The following NRXN3 variants were observed in gnomAD, a reference collection of about 807,000 sequenced individuals.
NRXN3 encodes neurexin III.
A neutral mutation model predicts 137.6 loss-of-function variants in NRXN3; 32 were observed. That is an observed-to-expected ratio of 0.23 (90% CI 0.18 to 0.31). The LOEUF (loss-of-function observed/expected upper bound fraction) is 0.31, where lower values mean the gene tolerates loss of function less well. Among genes scored for constraint, NRXN3 ranks in the 10% least tolerant of loss-of-function variants. The pLI, the probability that NRXN3 is intolerant of heterozygous loss-of-function variation, is 1.00. For synonymous variants in NRXN3, 798 were observed against 784.5 expected, an observed-to-expected ratio of 1.02 and a Z score of -0.29; for missense variants, 1,574 against 2,062.5, an observed-to-expected ratio of 0.76 and a Z score of 4.59.
At chr14:79,707,343 G>GAGTT (rs886494307) in intron 19 of NRXN3, among the ~76,000 whole-genome samples, 13 of 152,322 alleles carry the variant, frequency 8.5e-5, no homozygotes, top group African/African-American at 3.1e-4. Context: ...TAGGCAAAGG[G>GAGTT]AGTTAGGAGG....
chr14:78,311,075 T>C (rs1205411561), intron 4 of NRXN3, among the ~76,000 whole-genome samples: 2 of 152,180 alleles, frequency 1.3e-5, no homozygotes, highest in African/African-American at 2.4e-5. Flanking sequence ...GTAAAATGCC[T>C]ACTTGGTACA....
chr14:78,721,795 G>A (rs2098461082), intron 8 of NRXN3, among the ~76,000 whole-genome samples: 1 of 151,944 alleles, frequency 6.6e-6, no homozygotes, highest in Non-Finnish European at 1.5e-5. Flanking sequence ...CTGAGAAAGG[G>A]GCTTCCCAAG....
At chr14:79,003,453 A>G (rs2099545859) in intron 15 of NRXN3, among the ~76,000 whole-genome samples, 1 of 152,218 alleles carries the variant, frequency 6.6e-6, no homozygotes, top group Admixed American at 6.5e-5. Context: ...AGATAATTTC[A>G]CAGTCACTGC....
At chr14:79,299,323 A>C (rs544068596) in intron 15 of NRXN3, among the ~76,000 whole-genome samples, 58 of 152,154 alleles carry the variant, frequency 3.8e-4, no homozygotes, top group African/African-American at 1.3e-3. Context: ...CCTGAGTGTC[A>C]CTGATCACTC....
Position 78,863,708 on chromosome 14 carries a change from A to G in NRXN3, c.2275+53364A>G, listed in dbSNP as rs8009970. 7.9e-3 allele frequency among the ~76,000 whole-genome samples: 1,206 copies of G among 152,262 alleles called. 19 individuals are homozygous for G. Among genetic ancestry groups the G allele is most frequent in the African/African-American group, 0.028 (1,146 of 41,550 alleles). ...CAATTTTATTTCAGTCCACAAATAC[A>G]TAAATATTCTAAAAAGGAGCCTTTA... On this transcript the variant is annotated intron_variant, in intron 10 of 20. Coordinates refer to ENST00000335750, the MANE Select transcript of NRXN3 (RefSeq NM_001330195.2).
chr14:79,867,715 A>C lies in NRXN3; in HGVS notation c.*5751A>C, dbSNP rs2099418593. On this transcript the variant is annotated 3_prime_UTR_variant, in exon 21 of 21. Transcript: ENST00000335750. ...GTTGAAGTTCCAAAGTATCAAGGGA[A>C]TCAGAATTGGGAAGCAATTCTAACC... The C allele has an allele frequency of 6.6e-6, 1 of 152,132 alleles. No individual in the cohort carries two copies. The highest frequency in any genetic ancestry group is 1.5e-5 in the Non-Finnish European group (1 of 68,040). 9.4% of individuals were successfully genotyped at this position (152,132 alleles called of 1,614,324 possible). A position where few individuals can be genotyped will look rare whatever the true frequency, so the allele number is the denominator to read the frequency against.
intron 1 of NRXN3, among the ~76,000 whole-genome samples, chr14:78,216,520 C>T (rs1015004793): frequency 3.3e-5 from 5 of 152,152 alleles, no homozygotes; most frequent in Non-Finnish European, 7.4e-5. Context: ...TGTTCTCTAG[C>T]TGGCCAGAGC....
chr14:78,894,858 C>T lies in NRXN3; in HGVS notation c.2276-62384C>T, dbSNP rs182183591. On this transcript the variant is annotated intron_variant, in intron 10 of 20. Transcript: ENST00000335750. ...ATCAAAGTTCTGGAGTGACTAGGTG[C>T]ATTGTCAATGAATAGTAACATTTTG... Among the ~76,000 whole-genome samples, 42 of 150,098 alleles carry T rather than the reference C, an allele frequency of 2.8e-4. No individual in the cohort carries two copies. The East Asian group carries it at 8.1e-3, about 29-fold the overall frequency.
At chr14:78,187,474 A>G (rs1195608610) in intron 1 of NRXN3, among the ~76,000 whole-genome samples, 1 of 152,148 alleles carries the variant, frequency 6.6e-6, no homozygotes, top group East Asian at 1.9e-4. Context: ...ATCAAGTGAC[A>G]TGTGCAAGGT....
intron 10 of NRXN3, among the ~76,000 whole-genome samples, chr14:78,893,000 G>T (rs2099163692): frequency 6.6e-6 from 1 of 151,858 alleles, no homozygotes; most frequent in African/African-American, 2.4e-5. Flanking sequence ...GTCTCAACTA[G>T]TTCAGCATCA....
At position 79,234,293 on chromosome 14, in the gene NRXN3, A is replaced by AATATATAT. The variant is rs71131687; in HGVS notation, c.3263-232888_3263-232881dup. Among the ~76,000 whole-genome samples the AATATATAT allele has an allele frequency of 6.3e-3, 351 of 56,114 alleles. 3 individuals are homozygous for AATATATAT. The highest frequency in any genetic ancestry group is 0.015 in the Middle Eastern group (1 of 68). The allele number at this position is 56,114 out of a possible 152,430, so 36.8% of individuals were successfully genotyped here. A position where few individuals can be genotyped will look rare whatever the true frequency, so the allele number is the denominator to read the frequency against. On this transcript the variant is annotated intron_variant, in intron 15 of 20. Transcript: ENST00000335750. ...AAATCAGGGAACATATTCAATGGTAAATATATATATATATATATATATATA... is the reference window on the plus strand; with the variant it reads ...AAATCAGGGAACATATTCAATGGTAAATATATATATATATATATATATATATATATATA...
chr14:78,419,008 T>C (rs2093302645), intron 4 of NRXN3, among the ~76,000 whole-genome samples: 1 of 152,244 alleles, frequency 6.6e-6, no homozygotes, highest in Non-Finnish European at 1.5e-5. Context: ...CCAATGTTTA[T>C]TGAGTGCTAA....
intron 3 of NRXN3, among the ~76,000 whole-genome samples, chr14:78,289,260 G>A (rs575828787): frequency 6.6e-6 from 1 of 152,298 alleles, no homozygotes; most frequent in East Asian, 1.9e-4. Context: ...TTGAAGCTTT[G>A]TATAGCTTGG....
intron 19 of NRXN3, among the ~76,000 whole-genome samples, chr14:79,713,674 C>G (rs2098813839): frequency 1.4e-5 from 2 of 147,554 alleles, no homozygotes; most frequent in Admixed American, 6.8e-5. Flanking sequence ...ACTGTACCAC[C>G]AATTCCCTCT....
At chr14:79,081,689 T>C (rs2047046952) in intron 15 of NRXN3, among the ~76,000 whole-genome samples, 1 of 151,382 alleles carries the variant, frequency 6.6e-6, no homozygotes, top group South Asian at 2.1e-4. Context: ...GTCAAAAAGA[T>C]AAATTACTAT....
Position 79,861,486 on chromosome 14 carries a change from C to T in NRXN3, c.4238C>T (p.Thr1413Ile), listed in dbSNP as rs533212261. 1 of 1,538,040 alleles carries T rather than the reference C, an allele frequency of 6.5e-7. No individual in the cohort carries two copies. The highest frequency in any genetic ancestry group is 8.7e-7 in the Non-Finnish European group (1 of 1,147,150). The stretch of plus-strand genomic sequence containing the variant: ...TTATCCCCTGAGCTGATCCGCTTCA[C>T]AGCTTCCTCCTCGTCTGGGATGGTG... ...TSLSPELIRF[T>I]ASSSSGMVPK... is the part of the protein sequence containing the mutation. Residue 1413 changes from threonine (T) to isoleucine (I), a missense_variant, in exon 21 of 21, where the codon ACA (threonine) becomes ATA (isoleucine). Physicochemically the swap from Thr to Ile is moderately conservative, Grantham distance 89. Coordinates refer to ENST00000335750, the MANE Select transcript of NRXN3 (RefSeq NM_001330195.2). The surrounding 1 kb of genome is among the most constrained non-coding windows in gnomAD (Gnocchi z 5.4).
At chr14:79,033,342 G>A (rs2099610824) in intron 15 of NRXN3, among the ~76,000 whole-genome samples, 1 of 152,068 alleles carries the variant, frequency 6.6e-6, no homozygotes, top group African/African-American at 2.4e-5. Flanking sequence ...TCTGTCACCT[G>A]GCACAGTACC....
intron 15 of NRXN3, among the ~76,000 whole-genome samples, chr14:79,407,978 T>C (rs753051903): frequency 6.6e-6 from 1 of 152,178 alleles, no homozygotes; most frequent in Non-Finnish European, 1.5e-5. Flanking sequence ...TGTTTTAGGT[T>C]CTGGTTTACT....
intron 18 of NRXN3, among the ~76,000 whole-genome samples, chr14:79,695,797 A>C (rs2098733462): frequency 6.6e-6 from 1 of 152,014 alleles, no homozygotes; most frequent in African/African-American, 2.4e-5. Context: ...CAACACACTA[A>C]ATGAATTGCT....
Sources: gnomAD v4.1 joint callset for allele counts (sites outside exome capture counted in the v4.1 genomes callset) on GRCh38, gnomAD v4.1.1 for gene constraint, Gnocchi (gnomAD v3.1) non-coding constraint, MANE v1.5 for transcripts, NCBI Gene and HGNC (gene_info 2026-07-23, HGNC 2026-07-21) for gene names.